Variants in ARPC3 observed in about 807,000 individuals in gnomAD.
The protein encoded by ARPC3 is actin-related protein 2/3 complex subunit 3.
In ARPC3, 12 loss-of-function variants were observed where a neutral mutation model predicts 27.6. That is an observed-to-expected ratio of 0.43 (90% CI 0.28 to 0.70). The LOEUF (loss-of-function observed/expected upper bound fraction) is 0.70. Among genes scored for constraint, ARPC3 ranks in the 30% least tolerant of loss-of-function variants. ARPC3 has a pLI of 0.17. For missense variants in ARPC3, 153 were observed against 207.7 expected (o/e 0.74, Z 1.62); for synonymous variants, 53 against 67.2 (o/e 0.79, Z 1.03).
chr12:110,440,327 T>G lies in ARPC3; in HGVS notation c.168A>C (p.Lys56Asn). Residue 56 changes from lysine to asparagine, a missense_variant, in exon 3 of 7, where the codon AAA (lysine) becomes AAC (asparagine). By Grantham distance (94) the Lys-to-Asn change is moderately conservative. Coordinates refer to ENST00000228825, the MANE Select transcript of ARPC3 (RefSeq NM_001278556.2). ...CGTAATTTACCTTAATTTCATAGTT[T>G]TTGAAGAAGACATTGGCCTTGAAGT... ...IYYFKANVFF[K>N]NYEIKNEADR... 6.2e-7 allele frequency: 1 copy of G among 1,607,284 alleles called. No homozygotes were observed. The highest frequency in any genetic ancestry group is 8.5e-7 in the Non-Finnish European group (1 of 1,173,932).
intron 2 of ARPC3, chr12:110,442,838 G>C (rs941626892): frequency 2.6e-5 from 4 of 152,050 alleles, no homozygotes; most frequent in Admixed American, 6.6e-5. Context: ...TCTTGACAAA[G>C]ACAGATCTCA....
Position 110,434,971 on chromosome 12 carries a change from C to G in ARPC3, c.*184G>C, listed in dbSNP as rs898357088. On this transcript the variant is annotated 3_prime_UTR_variant, in exon 7 of 7. Transcript: ENST00000228825. Reference sequence around the variant, plus strand: ...CCAGCTTTAATGCTGCAGAAAATTTCAAATCACCCTTGATAACCCACTTTC... The same window carrying G: ...CCAGCTTTAATGCTGCAGAAAATTTGAAATCACCCTTGATAACCCACTTTC... 2.8e-6 allele frequency: 2 copies of G among 713,338 alleles called. No homozygotes were observed. Among genetic ancestry groups the G allele is most frequent in the Non-Finnish European group, 5.2e-6 (2 of 383,938 alleles). The allele number at this position is 713,338 out of a possible 1,614,324, so 44.2% of individuals were successfully genotyped here.
intron 4 of ARPC3, 56 bp downstream of exon 4, chr12:110,437,028 G>T: frequency 8.5e-7 from 1 of 1,182,138 alleles, no homozygotes. Flanking sequence ...GACTGGGAGG[G>T]TAAATGCCTC....
intron 1 of ARPC3, among the ~76,000 whole-genome samples, chr12:110,445,894 A>C (rs1195155576): frequency 6.6e-6 from 1 of 152,128 alleles, no homozygotes; most frequent in Non-Finnish European, 1.5e-5. Flanking sequence ...GCCTGAGCTC[A>C]GGAGTTTGCA....
At chr12:110,438,019 GGT>G (rs1216464726) in intron 3 of ARPC3, among the ~76,000 whole-genome samples, 1 of 152,036 alleles carries the variant, frequency 6.6e-6, no homozygotes, top group Non-Finnish European at 1.5e-5. Context: ...ATTTAGGCCA[GGT>G]GCAGTGGCTT....
intron 1 of ARPC3, among the ~76,000 whole-genome samples, chr12:110,447,886 CTTTTTTTTTT>C (rs796202139): frequency 2.2e-4 from 24 of 107,168 alleles, no homozygotes; most frequent in Non-Finnish European, 3.6e-4. Flanking sequence ...ATTTAGAGTC[CTTTTTTTTTT>C]TTTTTTTTTT....
intron 6 of ARPC3, 65 bp from the exon 7 acceptor site, chr12:110,435,282 T>C: frequency 7.9e-7 from 1 of 1,261,896 alleles, no homozygotes; most frequent in African/African-American, 1.5e-5. Flanking sequence ...TGCATTTATT[T>C]AATAATAAAA....
intron 6 of ARPC3, among the ~76,000 whole-genome samples, chr12:110,435,521 G>C (rs576668114): frequency 1.3e-5 from 2 of 151,974 alleles, no homozygotes; most frequent in Non-Finnish European, 2.9e-5. Context: ...TAGTAGAGAC[G>C]GGGTTTCACC....
At chr12:110,444,245 A>G (rs1249531089) in intron 2 of ARPC3, among the ~76,000 whole-genome samples, 1 of 151,744 alleles carries the variant, frequency 6.6e-6, no homozygotes, top group East Asian at 1.9e-4. Context: ...TGCTGGGATT[A>G]TAGGTGTGAG....
At chr12:110,437,683 CTT>C (rs778436752) in intron 3 of ARPC3, among the ~76,000 whole-genome samples, 34 of 152,004 alleles carry the variant, frequency 2.2e-4, no homozygotes, top group Admixed American at 1.6e-3. Flanking sequence ...GCTGCTCTCT[CTT>C]GTTTTTCTCG....
intron 1 of ARPC3, 143 bp from the exon 2 acceptor site, chr12:110,445,694 C>T (rs2062460827): frequency 1.9e-5 from 13 of 699,056 alleles, no homozygotes; most frequent in South Asian, 1.8e-4. Flanking sequence ...CATTGAGGTG[C>T]GAGGGCTGGT....
intron 3 of ARPC3, among the ~76,000 whole-genome samples, chr12:110,438,124 C>T (rs1390768879): frequency 7.9e-5 from 12 of 151,022 alleles, no homozygotes; most frequent in Admixed American, 6.6e-4. Flanking sequence ...GGCGAAACAC[C>T]GTCTCTACTA....
In ARPC3 at chr12:110,440,166, A is replaced by G. The variant is rs866577419; in HGVS notation, c.183+146T>C. On this transcript the variant is annotated intron_variant, in intron 3 of 6. Coordinates refer to ENST00000228825, the MANE Select transcript of ARPC3 (RefSeq NM_001278556.2). ...GAAAAAAAAAGAAACTAATATTTAT[A>G]CAAAAGCTAACATTAAGCACTGCTC... 2.8e-5 allele frequency: 18 copies of G among 651,476 alleles called. No homozygotes were observed. The Middle Eastern group carries it at 2.5e-3, about 91-fold the overall frequency. 40.4% of individuals were successfully genotyped at this position (651,476 alleles called of 1,614,324 possible). A position where few individuals can be genotyped will look rare whatever the true frequency, so the allele number is the denominator to read the frequency against.
intron 2 of ARPC3, among the ~76,000 whole-genome samples, chr12:110,441,627 C>T (rs763481366): frequency 4.0e-5 from 6 of 151,890 alleles, no homozygotes; most frequent in Non-Finnish European, 8.8e-5. Context: ...AATTCCTGAG[C>T]GCAAGTGATC....
At chr12:110,440,255 G>C (rs2062428132) in intron 3 of ARPC3, 57 bp downstream of exon 3, 3 of 1,183,244 alleles carry the variant, frequency 2.5e-6, no homozygotes, top group Non-Finnish European at 2.5e-6. Context: ...TGGATAGCAA[G>C]GTTGGTATTA....
intron 2 of ARPC3, among the ~76,000 whole-genome samples, chr12:110,442,165 G>C (rs990237555): frequency 4.0e-5 from 6 of 151,556 alleles, no homozygotes; most frequent in Admixed American, 1.3e-4. Flanking sequence ...ACAGCACCAG[G>C]CAAAAAAAAA....
chr12:110,448,075 T>G (rs1001255886), intron 1 of ARPC3, among the ~76,000 whole-genome samples: 1 of 151,798 alleles, frequency 6.6e-6, no homozygotes, highest in African/African-American at 2.4e-5. Context: ...AGGCAGGGTC[T>G]CATTATGTTG....
rs567044739 is a variant in ARPC3 at position 110,449,597 on chromosome 12, A to C, written c.6+658T>G. Reference sequence around the variant, plus strand: ...ACAAAAAAAGTGTGAACAATCACATAATAACTGAACCACCTTTTCCCGAAT... The same window carrying C: ...ACAAAAAAAGTGTGAACAATCACATCATAACTGAACCACCTTTTCCCGAAT... On this transcript the variant is annotated intron_variant, in intron 1 of 6. Coordinates refer to ENST00000228825, the MANE Select transcript of ARPC3 (RefSeq NM_001278556.2). Among the ~76,000 whole-genome samples, 5 of 152,284 alleles carry C rather than the reference A, an allele frequency of 3.3e-5. No individual in the cohort carries two copies. In the South Asian group the frequency reaches 1.0e-3, roughly 32 times the overall value.
In ARPC3 at chr12:110,437,353, C is replaced by T. The variant is rs375553690; in HGVS notation, c.184-201G>A. On this transcript the variant is annotated intron_variant, in intron 3 of 6. Transcript: ENST00000228825. The stretch of plus-strand genomic sequence containing the variant: ...TGCCCCTGGGAGGAAGGCACAAGCC[C>T]CACTCTGAGATGTGCAGCTGCTTTT... 7.2e-6 allele frequency: 4 copies of T among 554,826 alleles called. No individual in the cohort carries two copies. The African/African-American group carries it at 7.6e-5, about 11-fold the overall frequency. 34.4% of individuals were successfully genotyped at this position (554,826 alleles called of 1,614,324 possible). A position where few individuals can be genotyped will look rare whatever the true frequency, so the allele number is the denominator to read the frequency against.
Sources: gnomAD v4.1 joint callset for allele counts (sites outside exome capture counted in the v4.1 genomes callset) on GRCh38, gnomAD v4.1.1 for gene constraint, MANE v1.5 for transcripts, NCBI Gene and HGNC (gene_info 2026-07-23, HGNC 2026-07-21) for gene names.